NCAM1: variants seen among roughly 807,000 people sequenced by gnomAD.
NCAM1 encodes the protein neural cell adhesion molecule 1, also known as antigen recognized by monoclonal antibody 5.1H11.
Under a neutral mutation model 109.8 loss-of-function variants are expected in NCAM1, and 14 were observed. That is an observed-to-expected ratio of 0.13 (90% confidence interval 0.08 to 0.20). The LOEUF (loss-of-function observed/expected upper bound fraction) is 0.20, where lower values mean the gene tolerates loss of function less well. NCAM1 is among the 10% of genes least tolerant of loss of function. The pLI is 1.00. For missense variants in NCAM1, 774 were observed against 1,109.9 expected, an observed-to-expected ratio of 0.70 and a Z score of 4.30; for synonymous variants, 418 against 442.9, an observed-to-expected ratio of 0.94 and a Z score of 0.70.
At chr11:113,270,504 C>A in intron 18 of NCAM1, 109 bp downstream of exon 18, 3 of 1,043,396 alleles carry the variant, frequency 2.9e-6, no homozygotes, top group Non-Finnish European at 2.8e-6. Context: ...TTTCATTGCA[C>A]GTTCTCCATT....
intron 1 of NCAM1, among the ~76,000 whole-genome samples, chr11:113,140,997 C>T (rs1941798477): frequency 6.6e-6 from 1 of 151,984 alleles, no homozygotes; most frequent in Non-Finnish European, 1.5e-5. Context: ...GTAGAACTAT[C>T]CATTCTGCTA....
chr11:113,095,315 C>T (rs868919390), intron 1 of NCAM1, among the ~76,000 whole-genome samples: 8 of 151,266 alleles, frequency 5.3e-5, no homozygotes, highest in East Asian at 1.9e-4. Flanking sequence ...TAATAGAATG[C>T]GTGTGTGTGT....
At chr11:112,992,994 C>T (rs1951504831) in intron 1 of NCAM1, among the ~76,000 whole-genome samples, 2 of 152,184 alleles carry the variant, frequency 1.3e-5, no homozygotes, top group African/African-American at 4.8e-5. Context: ...CACCCTACTT[C>T]ACTAAATTTT....
chr11:113,079,445 TC>T (rs1171857608), intron 1 of NCAM1, among the ~76,000 whole-genome samples: 1 of 152,078 alleles, frequency 6.6e-6, no homozygotes, highest in Admixed American at 6.5e-5. Flanking sequence ...CCTGGTTTTC[TC>T]CCAAAGGAAC....
chr11:112,994,772 T>A (rs1951549196), intron 1 of NCAM1, among the ~76,000 whole-genome samples: 1 of 152,224 alleles, frequency 6.6e-6, no homozygotes, highest in Non-Finnish European at 1.5e-5. Context: ...AAAGATGTAT[T>A]TTCTACAGAG....
chr11:113,025,778 CGAGAGAGAGAGAGA>C (rs199893109), intron 1 of NCAM1, among the ~76,000 whole-genome samples: 81 of 118,866 alleles, frequency 6.8e-4, no homozygotes, highest in East Asian at 1.7e-3. Flanking sequence ...CACAGGGAGC[CGAGAGAGAGAGAGA>C]GAGAGAGAGA....
intron 1 of NCAM1, among the ~76,000 whole-genome samples, chr11:112,964,255 AC>A (rs1422758640): frequency 6.7e-6 from 1 of 149,916 alleles, no homozygotes; most frequent in Non-Finnish European, 1.5e-5. Flanking sequence ...AGGCAAGCTA[AC>A]CTTAATACGT....
intron 1 of NCAM1, among the ~76,000 whole-genome samples, chr11:113,078,479 G>A (rs554240568): frequency 6.6e-6 from 1 of 152,160 alleles, no homozygotes; most frequent in South Asian, 2.1e-4. Context: ...ACCAGCTACA[G>A]GATGCTTGCC....
rs1236950924 is a variant in NCAM1, at chr11:112,962,408, G to T, written c.52+744G>T. On this transcript the variant is annotated intron_variant, in intron 1 of 19. Coordinates refer to ENST00000316851, the MANE Select transcript of NCAM1 (RefSeq NM_181351.5). This position sits in a 1 kb window ranked among gnomAD's most constrained non-coding sequence, Gnocchi z 5.6. ...AGGAGGAAGTGCGGAGGGGCGGAGGGCGAGGAGGGCGTGATTGGGGCTGCC... is the reference window on the plus strand; with the variant it reads ...AGGAGGAAGTGCGGAGGGGCGGAGGTCGAGGAGGGCGTGATTGGGGCTGCC... Among the ~76,000 whole-genome samples, 2 of 152,112 alleles carry T rather than the reference G, an allele frequency of 1.3e-5. No homozygotes were observed. The highest frequency in any genetic ancestry group is 4.8e-5 in the African/African-American group (2 of 41,442).
intron 1 of NCAM1, among the ~76,000 whole-genome samples, chr11:113,025,570 G>T (rs1017558892): frequency 5.9e-5 from 9 of 152,048 alleles, no homozygotes; most frequent in African/African-American, 2.2e-4. Context: ...AAAATAAAAT[G>T]CTGTATGCTC....
chr11:113,205,323 A>G (rs2136927243), intron 3 of NCAM1, among the ~76,000 whole-genome samples, 200 bp from the exon 4 acceptor site: 1 of 152,254 alleles, frequency 6.6e-6, no homozygotes, highest in East Asian at 1.9e-4. Context: ...CTCAATGAGC[A>G]GATATTGGTT....
At chr11:113,062,544 C>T (rs549048308) in intron 1 of NCAM1, among the ~76,000 whole-genome samples, 13 of 152,106 alleles carry the variant, frequency 8.5e-5, no homozygotes, top group Non-Finnish European at 1.5e-4. Flanking sequence ...AATAAGATGA[C>T]TTTAAACCAT....
intron 9 of NCAM1, among the ~76,000 whole-genome samples, chr11:113,228,937 A>G (rs1158328880): frequency 2.0e-5 from 3 of 152,206 alleles, no homozygotes; most frequent in African/African-American, 4.8e-5. Context: ...TTAATTCAAG[A>G]TGGATTAAAG....
chr11:113,211,030 C>T (rs1162244959), intron 7 of NCAM1, among the ~76,000 whole-genome samples: 1 of 152,186 alleles, frequency 6.6e-6, no homozygotes, highest in Non-Finnish European at 1.5e-5. Flanking sequence ...GCCTCTTCTC[C>T]ACCACCTTTT....
At chr11:113,015,400 G>T (rs1952182603) in intron 1 of NCAM1, among the ~76,000 whole-genome samples, 1 of 152,158 alleles carries the variant, frequency 6.6e-6, no homozygotes, top group South Asian at 2.1e-4. Context: ...AAAATAGTTT[G>T]GGTGTAACCC....
At chr11:113,214,261 T>G in intron 7 of NCAM1, 108 bp from the exon 8 acceptor site, 1 of 1,181,260 alleles carries the variant, frequency 8.5e-7, no homozygotes. Flanking sequence ...TAGACTAGGG[T>G]CTTGTACTTA....
chr11:113,229,431 C>T (rs1332363511), intron 9 of NCAM1, among the ~76,000 whole-genome samples: 19 of 152,262 alleles, frequency 1.2e-4, no homozygotes, highest in African/African-American at 4.3e-4. Context: ...AGTCAGGAAA[C>T]AACAGGTGCT....
At chr11:113,231,203 C>G (rs916219634) in intron 9 of NCAM1, 2 of 1,535,984 alleles carry the variant, frequency 1.3e-6, no homozygotes, top group Non-Finnish European at 8.7e-7. Flanking sequence ...CAGGTACATG[C>G]ACCATGGAAC....
At chr11:113,263,140 C>T (rs1404925658) in intron 17 of NCAM1, 8 of 1,221,438 alleles carry the variant, frequency 6.5e-6, no homozygotes, top group Non-Finnish European at 8.2e-6. Context: ...GAGTTTGCCC[C>T]CTTTTTAATG....
Sources: allele counts gnomAD v4.1 joint callset (sites outside exome capture counted in the v4.1 genomes callset), GRCh38; gene constraint gnomAD v4.1.1; non-coding constraint Gnocchi (gnomAD v3.1); transcripts MANE v1.5; gene names NCBI Gene and HGNC (gene_info 2026-07-23, HGNC 2026-07-21).